AFF2: variants seen among roughly 807,000 people sequenced by gnomAD.
AFF2 encodes the protein ALF transcription elongation factor 2.
AFF2 carries 14 observed loss-of-function variants against 76.9 expected under a neutral mutation model. That is an observed-to-expected ratio of 0.18 (90% CI 0.12 to 0.28). AFF2 has a LOEUF of 0.28. AFF2 is among the 10% of genes least tolerant of loss of function. The pLI is 1.00. For missense variants in AFF2, 868 were observed against 1,001.1 expected (o/e 0.87, Z 1.79); for synonymous variants, 398 against 366.7 (o/e 1.09, Z -0.98).
intron 7 of AFF2, among the ~76,000 whole-genome samples, chrX:148,850,679 C>T (rs934308074): frequency 2.7e-5 from 3 of 112,416 alleles, no homozygotes; most frequent in African/African-American, 9.7e-5. Context: ...TTTTCATGTG[C>T]ACAGTGAATG....
intron 4 of AFF2, among the ~76,000 whole-genome samples, chrX:148,836,969 C>T (rs1301579543): frequency 2.7e-5 from 3 of 111,943 alleles, no homozygotes; most frequent in African/African-American, 6.5e-5. Flanking sequence ...TTCCCCTCAG[C>T]GGCTTCATCT....
intron 1 of AFF2, among the ~76,000 whole-genome samples, chrX:148,565,835 T>C (rs143175149): frequency 0.022 from 2,403 of 110,871 alleles, 35 homozygotes; most frequent in Middle Eastern, 0.082. Flanking sequence ...AACAACCCTT[T>C]GTTACATAAC....
Position 148,698,801 on chromosome X carries a change from T to G in AFF2, c.1041+36033T>G, listed in dbSNP as rs75223011. 2.6e-3 allele frequency among the ~76,000 whole-genome samples: 271 copies of G among 104,023 alleles called. 4 individuals carry two copies. In the East Asian group the frequency reaches 0.031, roughly 12 times the overall value. The allele number at this position is 104,023 out of a possible 115,157, so 90.3% of individuals were successfully genotyped here. The stretch of plus-strand genomic sequence containing the variant: ...GGATCTAATCTGAGTTCTAGTGTTT[T>G]TTTTTTTTTTTTTTTTCTGTATTTT... On this transcript the variant is annotated intron_variant, in intron 3 of 20. Transcript: ENST00000370460.
chrX:148,739,278 T>C (rs1557265408), intron 3 of AFF2, among the ~76,000 whole-genome samples: 4 of 112,032 alleles, frequency 3.6e-5, no homozygotes. Flanking sequence ...TTAGTAATCA[T>C]TTTATAAATT....
At chrX:148,863,539 GA>G (rs1411932066) in intron 7 of AFF2, among the ~76,000 whole-genome samples, 1 of 111,953 alleles carries the variant, frequency 8.9e-6, no homozygotes, top group Non-Finnish European at 1.9e-5. Context: ...ACCTCAGATT[GA>G]AACATTATCC....
intron 3 of AFF2, among the ~76,000 whole-genome samples, chrX:148,723,894 C>CTT (rs1191485333): frequency 9.6e-6 from 1 of 104,506 alleles, no homozygotes; most frequent in African/African-American, 3.5e-5. Context: ...GTTTGAAAAC[C>CTT]TTTTTTTTTC....
At position 148,962,828 on chromosome X, in the gene AFF2, G is replaced by T. The variant is rs782631868; in HGVS notation, c.2804G>T (p.Gly935Val). Residue 935 changes from glycine (G) to valine (V), a missense_variant, in exon 13 of 21, where the codon GGT becomes GTT. By Grantham distance (109) the Gly-to-Val change is moderately radical (BLOSUM62 -3). Coordinates refer to ENST00000370460, the MANE Select transcript of AFF2 (RefSeq NM_002025.4). ...PRRRNVSGNN[G>V]PFGQDKNIAM... ...CGCAGAAATGTCAGTGGCAATAATGGTCCCTTTGGTCAAGACAAAAACATC... is the reference window on the plus strand; with the variant it reads ...CGCAGAAATGTCAGTGGCAATAATGTTCCCTTTGGTCAAGACAAAAACATC... The T allele has an allele frequency of 1.7e-6, 2 of 1,209,841 alleles. No homozygotes were observed. Among genetic ancestry groups the T allele is most frequent in the Non-Finnish European group, 2.2e-6 (2 of 893,754 alleles).
chrX:148,634,376 G>C (rs1252246316), intron 1 of AFF2, among the ~76,000 whole-genome samples: 3 of 111,612 alleles, frequency 2.7e-5, no homozygotes, highest in African/African-American at 6.5e-5. Flanking sequence ...ATCTGTCTTT[G>C]ATTGTTGTGC....
chrX:148,740,832 A>G (rs1405787879), intron 3 of AFF2, among the ~76,000 whole-genome samples: 1 of 111,862 alleles, frequency 8.9e-6, no homozygotes, highest in South Asian at 3.8e-4. Context: ...CTTTTGTCCC[A>G]TGGGGTGCTC....
intron 3 of AFF2, among the ~76,000 whole-genome samples, chrX:148,707,698 G>T (rs782319706): frequency 9.0e-6 from 1 of 110,797 alleles, no homozygotes; most frequent in East Asian, 2.8e-4. Context: ...CTGGCTTGAG[G>T]TCATAGAATA....
At chrX:148,860,508 G>A (rs1303216011) in intron 7 of AFF2, among the ~76,000 whole-genome samples, 1 of 111,588 alleles carries the variant, frequency 9.0e-6, no homozygotes, top group Non-Finnish European at 1.9e-5. Flanking sequence ...TTTGAATAGA[G>A]CAAAATGACG....
intron 1 of AFF2, among the ~76,000 whole-genome samples, chrX:148,534,634 A>C (rs2052763693): frequency 8.9e-6 from 1 of 112,434 alleles, no homozygotes; most frequent in Non-Finnish European, 1.9e-5. Flanking sequence ...GGTTGAATAA[A>C]GTAATGTCTG....
intron 3 of AFF2, among the ~76,000 whole-genome samples, chrX:148,783,513 G>A (rs782283065): frequency 8.9e-6 from 1 of 111,953 alleles, no homozygotes; most frequent in African/African-American, 3.2e-5. Context: ...GGGAAAATAA[G>A]CGGAGATTGT....
At chrX:148,635,004 G>A (rs1428155081) in intron 1 of AFF2, among the ~76,000 whole-genome samples, 1 of 111,607 alleles carries the variant, frequency 9.0e-6, no homozygotes, top group Non-Finnish European at 1.9e-5. Flanking sequence ...TGAGGCACTA[G>A]GATGACCACA....
intron 4 of AFF2, among the ~76,000 whole-genome samples, chrX:148,830,590 C>T (rs1387228365): frequency 4.5e-5 from 5 of 111,532 alleles, no homozygotes; most frequent in South Asian, 7.6e-4. Context: ...CGGCAGGTTC[C>T]GTGATGCCCC....
intron 1 of AFF2, among the ~76,000 whole-genome samples, chrX:148,589,312 TC>T (rs34768663): frequency 4.5e-5 from 5 of 111,087 alleles, no homozygotes; most frequent in Admixed American, 1.9e-4. Context: ...TTAATATCCA[TC>T]CCCAAAGGGC....
rs781916257 is a variant in AFF2, at chrX:148,722,221, GAAC to G, written c.1041+59471_1041+59473del. 2.7e-4 allele frequency among the ~76,000 whole-genome samples: 30 copies of G among 110,535 alleles called. No individual in the cohort carries two copies. The East Asian group carries it at 7.5e-3, about 28-fold the overall frequency. On this transcript the variant is annotated intron_variant, in intron 3 of 20. Transcript: ENST00000370460. ...GGAAATTGTGTGAGTTCTGGTTCAGGAACAACAACAACAACAACAAAAACCCAC... is the reference window on the plus strand; with the variant it reads ...GGAAATTGTGTGAGTTCTGGTTCAGGAACAACAACAACAACAAAAACCCAC...
At chrX:148,985,200 GT>G (rs1294045544) in intron 19 of AFF2, among the ~76,000 whole-genome samples, 6 of 101,641 alleles carry the variant, frequency 5.9e-5, no homozygotes, top group African/African-American at 1.4e-4. Context: ...GGCCAGGCTG[GT>G]TTTCGAACTC....
At chrX:148,694,175 C>CGGGGGGGGGTGGGGGGGGGGG (rs2054686420) in intron 3 of AFF2, among the ~76,000 whole-genome samples, 1 of 72,851 alleles carries the variant, frequency 1.4e-5, no homozygotes, top group Non-Finnish European at 2.5e-5. Context: ...GTTGTGGGGT[C>CGGGGGGGGGTGGGGGGGGGGG]GGGGGGGGGG....
Sources: gnomAD v4.1 joint callset for allele counts (sites outside exome capture counted in the v4.1 genomes callset) on GRCh38, gnomAD v4.1.1 for gene constraint, MANE v1.5 for transcripts, NCBI Gene and HGNC (gene_info 2026-07-23, HGNC 2026-07-21) for gene names.